The following DSE variants were observed in gnomAD, a reference collection of about 807,000 sequenced individuals.
The protein encoded by DSE is dermatan-sulfate epimerase.
In DSE, 36 loss-of-function variants were observed where a neutral mutation model predicts 84.4. That is an observed-to-expected ratio of 0.43 (90% CI 0.33 to 0.56). The LOEUF (loss-of-function observed/expected upper bound fraction) is 0.56, where lower values mean the gene tolerates loss of function less well. DSE is among the 20% of genes least tolerant of loss of function. DSE has a pLI of 0.06. For synonymous variants in DSE, 410 were observed against 430.1 expected, an observed-to-expected ratio of 0.95 and a Z score of 0.58; for missense variants, 862 against 1,169.6, an observed-to-expected ratio of 0.74 and a Z score of 3.84.
intron 2 of DSE, among the ~76,000 whole-genome samples, chr6:116,310,896 T>C (rs1015088342): frequency 2.0e-5 from 3 of 152,250 alleles, no homozygotes; most frequent in African/African-American, 7.2e-5. Flanking sequence ...TCAGAATGTC[T>C]TGTGTGGCCA....
At position 116,439,612 on chromosome 6, in the gene DSE, G is replaced by C. The variant is rs1784364599; in HGVS notation, c.*2267G>C. ...TTTGAGTAAAACTAGGGAACTTTTTGTAACTTGAAAACAAAGCAATGTTAA... is the reference window on the plus strand; with the variant it reads ...TTTGAGTAAAACTAGGGAACTTTTTCTAACTTGAAAACAAAGCAATGTTAA... On this transcript the variant is annotated 3_prime_UTR_variant, in exon 6 of 6. Coordinates refer to ENST00000644252, the MANE Select transcript of DSE (RefSeq NM_013352.4). 1 of 151,662 alleles carries C rather than the reference G, an allele frequency of 6.6e-6. No homozygotes were observed. The highest frequency in any genetic ancestry group is 2.4e-5 in the African/African-American group (1 of 41,250). The allele number at this position is 151,662 out of a possible 1,614,324, so 9.4% of individuals were successfully genotyped here.
chr6:116,321,566 T>C (rs979442441), intron 2 of DSE, among the ~76,000 whole-genome samples: 1 of 151,916 alleles, frequency 6.6e-6, no homozygotes, highest in African/African-American at 2.4e-5. Context: ...AGCAGGTGGA[T>C]CACGAGTTCA....
intron 1 of DSE, among the ~76,000 whole-genome samples, chr6:116,391,092 C>T (rs1026593135): frequency 1.3e-5 from 2 of 152,156 alleles, no homozygotes; most frequent in Admixed American, 6.5e-5. Flanking sequence ...ACATATTTTA[C>T]ATGAATTATT....
chr6:116,431,528 T>C (rs1036684258), intron 4 of DSE, among the ~76,000 whole-genome samples: 1 of 152,166 alleles, frequency 6.6e-6, no homozygotes, highest in African/African-American at 2.4e-5. Flanking sequence ...ATATAAACAT[T>C]TGTGATTACC....
chr6:116,364,117 C>T (rs371167533), intron 2 of DSE, among the ~76,000 whole-genome samples: 2 of 152,178 alleles, frequency 1.3e-5, no homozygotes, highest in African/African-American at 4.8e-5. Flanking sequence ...TTTCCTTATA[C>T]TTTTCTCACT....
chr6:116,309,600 C>G (rs755245297), intron 2 of DSE, among the ~76,000 whole-genome samples: 1 of 152,174 alleles, frequency 6.6e-6, no homozygotes, highest in Non-Finnish European at 1.5e-5. Flanking sequence ...ATATCTGAGA[C>G]TAGGTAATTT....
intron 3 of DSE, among the ~76,000 whole-genome samples, chr6:116,429,076 A>T (rs2115072000): frequency 6.6e-6 from 1 of 152,340 alleles, no homozygotes; most frequent in South Asian, 2.1e-4. Context: ...CATCAGTCAC[A>T]TTGGTATCTG....
intron 2 of DSE, among the ~76,000 whole-genome samples, chr6:116,348,041 A>G (rs994534286): frequency 1.3e-5 from 2 of 152,232 alleles, no homozygotes; most frequent in Non-Finnish European, 2.9e-5. Flanking sequence ...GGACACATTA[A>G]AAAATGGTCA....
intron 2 of DSE, among the ~76,000 whole-genome samples, chr6:116,294,413 T>G (rs373322447): frequency 3.9e-5 from 6 of 152,340 alleles, no homozygotes; most frequent in Admixed American, 3.9e-4. Flanking sequence ...TAATCAGAAT[T>G]GTATTGACAG....
At position 116,436,706 on chromosome 6, in the gene DSE, G is replaced by C. The variant is rs1215547399; in HGVS notation, c.2238G>C (p.Leu746Phe). ...KDYAAIVEQN[L>F]QHFKPVFQLL... ...ATGCTGCTATTGTGGAACAGAACTTGCAGCATTTTAAACCAGTGTTTCAGC... is the reference window on the plus strand; with the variant it reads ...ATGCTGCTATTGTGGAACAGAACTTCCAGCATTTTAAACCAGTGTTTCAGC... The change falls in exon 6 of 6, where the codon TTG (leucine) becomes TTC (phenylalanine). Residue 746 changes from leucine to phenylalanine, a missense_variant. Coordinates refer to ENST00000644252, the MANE Select transcript of DSE (RefSeq NM_013352.4). 6.2e-7 allele frequency: 1 copy of C among 1,614,066 alleles called. No homozygotes were observed. Among genetic ancestry groups the C allele is most frequent in the Non-Finnish European group, 8.5e-7 (1 of 1,180,032 alleles).
At chr6:116,353,163 G>A (rs569196083) in intron 2 of DSE, among the ~76,000 whole-genome samples, 8 of 152,298 alleles carry the variant, frequency 5.3e-5, no homozygotes, top group African/African-American at 1.4e-4. Context: ...GTGTGTTTGT[G>A]TGTGTGGGTC....
At chr6:116,292,088 T>A (rs975628794) in intron 2 of DSE, among the ~76,000 whole-genome samples, 1 of 152,144 alleles carries the variant, frequency 6.6e-6, no homozygotes, top group Non-Finnish European at 1.5e-5. Flanking sequence ...GGGTTTACAG[T>A]TAGACTTGGA....
intron 2 of DSE, chr6:116,280,275 T>C (rs1773440191): frequency 4.1e-6 from 1 of 243,668 alleles, no homozygotes. Flanking sequence ...ATCTATTCCC[T>C]GTTACTCCAC....
rs527665664 is a variant in DSE, at chr6:116,363,254, CAT to C, written c.-53-35939_-53-35938del. Among the ~76,000 whole-genome samples the C allele has an allele frequency of 4.9e-3, 747 of 151,692 alleles. 8 individuals are homozygous for C. The highest frequency in any genetic ancestry group is 0.017 in the African/African-American group (716 of 41,226). On this transcript the variant is annotated intron_variant, in intron 2 of 3. Transcript: ENST00000430252. ...ATTTAAATATATATATACACACACACATATATGCATATATGTGTGTGCTTGTG... is the reference window on the plus strand; with the variant it reads ...ATTTAAATATATATATACACACACACATATGCATATATGTGTGTGCTTGTG...
Position 116,344,877 on chromosome 6 carries a change from C to A in DSE, c.-53-54321C>A, listed in dbSNP as rs1278185379. Among the ~76,000 whole-genome samples the A allele has an allele frequency of 2.0e-4, 30 of 152,026 alleles. 1 individual carries two copies. Among genetic ancestry groups the A allele is most frequent in the Admixed American group, 2.0e-3 (30 of 15,260 alleles). ...CCATCAGTGTGCTGTATTCAGGAGA[C>A]CCATCTCATGTGCAGAGACACACAT... On this transcript the variant is annotated intron_variant, in intron 2 of 3. Transcript: ENST00000430252.
At chr6:116,268,503 A>C (rs960934804) in intron 2 of DSE, among the ~76,000 whole-genome samples, 7 of 152,228 alleles carry the variant, frequency 4.6e-5, no homozygotes, top group African/African-American at 7.2e-5. Flanking sequence ...AGACTTAAAA[A>C]ATAATGAATT....
intron 1 of DSE, chr6:116,256,162 T>TAATTACTTGCCATTTTGAC (rs1772135443): frequency 6.6e-6 from 1 of 152,376 alleles, no homozygotes; most frequent in South Asian, 2.1e-4. Flanking sequence ...CCTCCTTCCT[T>TAATTACTTGCCATTTTGAC]AATTACTTGC....
chr6:116,364,828 C>CTTTTTT (rs1211909933), intron 2 of DSE, among the ~76,000 whole-genome samples: 1 of 131,196 alleles, frequency 7.6e-6, no homozygotes, highest in East Asian at 2.2e-4. Context: ...TTTAGTAACA[C>CTTTTTT]TTTTTTTTTT....
intron 2 of DSE, among the ~76,000 whole-genome samples, chr6:116,310,940 C>T (rs914776932): frequency 6.6e-6 from 1 of 152,190 alleles, no homozygotes; most frequent in Non-Finnish European, 1.5e-5. Flanking sequence ...CCTGTGTGTC[C>T]AGCCTCAACT....
Sources: gnomAD v4.1 joint callset for allele counts (sites outside exome capture counted in the v4.1 genomes callset) on GRCh38, gnomAD v4.1.1 for gene constraint, MANE v1.5 for transcripts, NCBI Gene and HGNC (gene_info 2026-07-23, HGNC 2026-07-21) for gene names.